Variants in SLFN12L observed in about 807,000 individuals in gnomAD.
SLFN12L encodes the protein schlafen family member 12 like, also known as schlafen family member 12-like.
In SLFN12L, 34 loss-of-function variants were observed where a neutral mutation model predicts 34.8. The observed-to-expected ratio is 0.98, with a 90% CI of 0.74 to 1.30. The LOEUF is 1.30. Among genes scored for constraint, SLFN12L ranks in the 50% most tolerant of loss-of-function variants. SLFN12L has a pLI of 0.00. For missense variants in SLFN12L, 703 were observed against 696.2 expected (o/e 1.01, Z -0.11); for synonymous variants, 259 against 247.5 (o/e 1.05, Z -0.44).
At chr17:35,537,076 G>A (rs1378315740) in intron 1 of SLFN12L, among the ~76,000 whole-genome samples, 1 of 152,066 alleles carries the variant, frequency 6.6e-6, no homozygotes, top group Non-Finnish European at 1.5e-5. Context: ...CACTTTCAAA[G>A]GCTGAAGCAG....
chr17:35,498,699 A>T, intron 2 of SLFN12L: 1 of 1,569,668 alleles, frequency 6.4e-7, no homozygotes, highest in East Asian at 2.2e-5. Flanking sequence ...CCTAGATAAC[A>T]ATTACGTGGT....
rs1913691548 is a variant in SLFN12L, at chr17:35,464,524, G to T, written c.*10399C>A. ...TATCAGTGAGAAGATGCTGGACTTGGTTTTCTGTTCTTAAGTTAGTTTGCT... is the reference window on the plus strand; with the variant it reads ...TATCAGTGAGAAGATGCTGGACTTGTTTTTCTGTTCTTAAGTTAGTTTGCT... On this transcript the variant is annotated 3_prime_UTR_variant, in exon 5 of 5. Transcript: ENST00000628453. 1 of 150,408 alleles carries T rather than the reference G, an allele frequency of 6.6e-6. No homozygotes were observed. Among genetic ancestry groups the T allele is most frequent in the Admixed American group, 6.7e-5 (1 of 14,996 alleles). The allele number at this position is 150,408 out of a possible 1,614,324, so 9.3% of individuals were successfully genotyped here.
chr17:35,486,784 C>T (rs991178754), intron 2 of SLFN12L, among the ~76,000 whole-genome samples: 1 of 152,024 alleles, frequency 6.6e-6, no homozygotes, highest in Non-Finnish European at 1.5e-5. Context: ...ATGTTGTTGG[C>T]TATCTTTAAT....
At chr17:35,516,349 A>G (rs986313186) in intron 2 of SLFN12L, among the ~76,000 whole-genome samples, 1 of 152,268 alleles carries the variant, frequency 6.6e-6, no homozygotes, top group Admixed American at 6.5e-5. Flanking sequence ...GTTGTCCTAA[A>G]GCAAAACATT....
rs186019338 is a variant in SLFN12L, at chr17:35,489,302, C to G, written c.87-9107G>C. ...TGGCAGTGGCTCACGCCTATTATCCCAGCACTTTGAGCGGAGGAGACAGGA... is the reference window on the plus strand; with the variant it reads ...TGGCAGTGGCTCACGCCTATTATCCGAGCACTTTGAGCGGAGGAGACAGGA... On this transcript the variant is annotated intron_variant, in intron 2 of 4. Transcript: ENST00000628453. 1.1e-3 allele frequency among the ~76,000 whole-genome samples: 160 copies of G among 152,048 alleles called. 1 individual carries two copies. Among genetic ancestry groups the G allele is most frequent in the Admixed American group, 0.01 (159 of 15,272 alleles).
chr17:35,480,082 T>C lies in SLFN12L; in HGVS notation c.200A>G (p.Glu67Gly), dbSNP rs1332411920. The change falls in exon 3 of 5, where the codon GAG becomes GGG. Residue 67 changes from glutamate to glycine, a missense_variant. Coordinates refer to ENST00000628453, the MANE Select transcript of SLFN12L (RefSeq NM_001363830.2). ...ATCCTTCATTTTTTTTCTATTGTTC[T>C]CTCCAAGAGTGACTCTTCCCACATT... The part of the protein sequence containing the change: ...VLNVGRVTLG[E>G]NNRKKMKDCQ... The C allele has an allele frequency of 6.8e-6, 11 of 1,614,170 alleles. No individual in the cohort carries two copies. The highest frequency in any genetic ancestry group is 9.3e-6 in the Non-Finnish European group (11 of 1,180,034).
rs770278889 is a variant in SLFN12L at position 35,475,503 on chromosome 17, G to T, written c.1277-18C>A. ...TGATAGCCCTAGATGGGGAAATAAT[G>T]ATAAATTATAAAAGACTGAGAACTT... On this transcript the variant is annotated intron_variant, in intron 4 of 4. Transcript: ENST00000628453. The T allele has an allele frequency of 3.2e-6, 5 of 1,549,438 alleles. No individual in the cohort carries two copies. The East Asian group carries it at 1.1e-4, about 35-fold the overall frequency.
Position 35,471,295 on chromosome 17 carries a change from C to T in SLFN12L, c.*3628G>A, listed in dbSNP as rs1913802857. On this transcript the variant is annotated 3_prime_UTR_variant, in exon 5 of 5. Transcript: ENST00000628453. ...GGGATTACAGACGCCTACCACCACT[C>T]CCAGCTAATTCTTGTATTTTTAGTA... 6.6e-6 allele frequency among the ~76,000 whole-genome samples: 1 copy of T among 152,068 alleles called. No homozygotes were observed. Among genetic ancestry groups the T allele is most frequent in the Admixed American group, 6.5e-5 (1 of 15,278 alleles).
Position 35,497,260 on chromosome 17 carries a change from A to G in SLFN12L, c.87-17065T>C, listed in dbSNP as rs1276862514. Among the ~76,000 whole-genome samples, 4 of 152,234 alleles carry G rather than the reference A, an allele frequency of 2.6e-5. No homozygotes were observed. In the East Asian group the frequency reaches 7.7e-4, roughly 29 times the overall value. ...ACAAACATTAGCTGGGCGTGGTGGC[A>G]CACACCTATAATCCCAGCTACTGGG... On this transcript the variant is annotated intron_variant, in intron 2 of 4. Transcript: ENST00000628453.
At position 35,469,846 on chromosome 17, in the gene SLFN12L, A is replaced by G. The variant is rs1356161353; in HGVS notation, c.*5077T>C. On this transcript the variant is annotated 3_prime_UTR_variant, in exon 5 of 5. Coordinates refer to ENST00000628453, the MANE Select transcript of SLFN12L (RefSeq NM_001363830.2). ...GGACCGTCCCTAGGCCCCAAAGCCCATCAGAATTATTCAAACTATTGAGTC... is the reference window on the plus strand; with the variant it reads ...GGACCGTCCCTAGGCCCCAAAGCCCGTCAGAATTATTCAAACTATTGAGTC... Among the ~76,000 whole-genome samples, 1 of 152,164 alleles carries G rather than the reference A, an allele frequency of 6.6e-6. No individual in the cohort carries two copies. The highest frequency in any genetic ancestry group is 6.5e-5 in the Admixed American group (1 of 15,282).
At position 35,479,345 on chromosome 17, in the gene SLFN12L, G is replaced by T; in HGVS notation, c.937C>A (p.Leu313Met). Residue 313 changes from leucine to methionine, a missense_variant, in exon 3 of 5, where the codon CTG becomes ATG. Physicochemically the swap from Leu to Met is conservative, Grantham distance 15 (BLOSUM62 2). Coordinates refer to ENST00000628453, the MANE Select transcript of SLFN12L (RefSeq NM_001363830.2). Reference sequence around the variant, plus strand: ...TCCACACAGAAGTGATGCACAGGCAGTTTCCCAATGGAATTTTTTGTTACT... The same window carrying T: ...TCCACACAGAAGTGATGCACAGGCATTTTCCCAATGGAATTTTTTGTTACT... ...EEVTKNSIGK[L>M]PVHHFCVEKG... 6.3e-7 allele frequency: 1 copy of T among 1,590,366 alleles called. No individual in the cohort carries two copies. The highest frequency in any genetic ancestry group is 8.6e-7 in the Non-Finnish European group (1 of 1,166,718).
rs1166757560 is a variant in SLFN12L at position 35,470,715 on chromosome 17, T to A, written c.*4208A>T. Reference sequence around the variant, plus strand: ...TTTTATTATACTTTAAGCTCTGGGATACACGTGCAGAATGTGCAGGTTTGT... The same window carrying A: ...TTTTATTATACTTTAAGCTCTGGGAAACACGTGCAGAATGTGCAGGTTTGT... On this transcript the variant is annotated 3_prime_UTR_variant, in exon 5 of 5. Transcript: ENST00000628453. 1 of 151,696 alleles carries A rather than the reference T, an allele frequency of 6.6e-6. No individual in the cohort carries two copies. Among genetic ancestry groups the A allele is most frequent in the African/African-American group, 2.4e-5 (1 of 41,184 alleles). The allele number at this position is 151,696 out of a possible 1,614,324, so 9.4% of individuals were successfully genotyped here. A position where few individuals can be genotyped will look rare whatever the true frequency, so the allele number is the denominator to read the frequency against.
chr17:35,505,971 T>C (rs1312391625), intron 2 of SLFN12L, among the ~76,000 whole-genome samples: 4 of 152,214 alleles, frequency 2.6e-5, no homozygotes, highest in Non-Finnish European at 5.9e-5. Context: ...TCTTATTTTA[T>C]GCTTATTGTA....
intron 1 of SLFN12L, among the ~76,000 whole-genome samples, chr17:35,529,507 A>G (rs549101514): frequency 6.6e-6 from 1 of 152,370 alleles, no homozygotes; most frequent in Non-Finnish European, 1.5e-5. Flanking sequence ...ATGGAATACT[A>G]TGCAGCCATT....
At chr17:35,503,015 A>G (rs547578570) in intron 2 of SLFN12L, among the ~76,000 whole-genome samples, 61 of 152,366 alleles carry the variant, frequency 4.0e-4, no homozygotes, top group South Asian at 8.3e-4. Flanking sequence ...GTGTGTTAGA[A>G]AAAGAATTTA....
chr17:35,487,704 T>C (rs1914645706), intron 2 of SLFN12L: 3 of 1,449,992 alleles, frequency 2.1e-6, no homozygotes, highest in Non-Finnish European at 2.7e-6. Context: ...AAAAAAGTTA[T>C]TTAAAGAAAA....
At chr17:35,523,326 C>G (rs1024176785) in intron 1 of SLFN12L, among the ~76,000 whole-genome samples, 7 of 152,206 alleles carry the variant, frequency 4.6e-5, no homozygotes, top group African/African-American at 1.7e-4. Context: ...CCCCATCCCA[C>G]TCTCAAAGTG....
Position 35,474,906 on chromosome 17 carries a change from G to A in SLFN12L, c.*17C>T, listed in dbSNP as rs1913902928. On this transcript the variant is annotated 3_prime_UTR_variant, in exon 5 of 5. Transcript: ENST00000628453. Reference sequence around the variant, plus strand: ...AGATCGTGTCACTACACTCCAGTCTGGGTGACAGAGTGAGACTCATCTCAA... The same window carrying A: ...AGATCGTGTCACTACACTCCAGTCTAGGTGACAGAGTGAGACTCATCTCAA... 3 of 1,525,904 alleles carry A rather than the reference G, an allele frequency of 2.0e-6. No individual in the cohort carries two copies. The highest frequency in any genetic ancestry group is 2.4e-5 in the East Asian group (1 of 40,874). 94.5% of individuals were successfully genotyped at this position (1,525,904 alleles called of 1,614,324 possible).
At chr17:35,515,624 C>G (rs565752130) in intron 2 of SLFN12L, among the ~76,000 whole-genome samples, 1 of 143,280 alleles carries the variant, frequency 7.0e-6, no homozygotes. Flanking sequence ...GCGGCCACCA[C>G]GCCCGGCAAT....
Sources: allele counts gnomAD v4.1 joint callset (sites outside exome capture counted in the v4.1 genomes callset), GRCh38; gene constraint gnomAD v4.1.1; transcripts MANE v1.5; gene names NCBI Gene and HGNC (gene_info 2026-07-23, HGNC 2026-07-21).